Variants in MAGI2 observed in about 807,000 individuals in gnomAD.
MAGI2 encodes the protein membrane associated guanylate kinase, WW and PDZ domain containing 2.
In MAGI2, 35 loss-of-function variants were observed where a neutral mutation model predicts 133.3. The ratio of observed to expected loss-of-function variants is 0.26; its 90% confidence interval spans 0.20 to 0.35. The LOEUF (loss-of-function observed/expected upper bound fraction) is 0.35, where lower values mean the gene tolerates loss of function less well. Ranked by LOEUF, MAGI2 falls within the 10% of genes least tolerant of loss-of-function variation. The pLI, the probability that MAGI2 is intolerant of heterozygous loss-of-function variation, is 1.00. For missense variants in MAGI2, 1,636 were observed against 1,863.4 expected (o/e 0.88, Z 2.25); for synonymous variants, 729 against 710.6 (o/e 1.03, Z -0.41).
chr7:78,557,071 G>A (rs10270642), intron 3 of MAGI2, among the ~76,000 whole-genome samples: 100,387 of 133,506 alleles, frequency 0.75, 37,793 homozygotes, highest in East Asian at 0.87. Flanking sequence ...AGCCTGGGTG[G>A]CAGAGTCTCA....
chr7:78,495,747 T>G (rs771635686), intron 5 of MAGI2, among the ~76,000 whole-genome samples: 11 of 152,216 alleles, frequency 7.2e-5, no homozygotes, highest in Non-Finnish European at 1.3e-4. Context: ...ATCTTTCATG[T>G]GTTTAGAAAA....
chr7:78,220,920 G>A (rs1451282500), intron 10 of MAGI2, among the ~76,000 whole-genome samples: 1 of 152,146 alleles, frequency 6.6e-6, no homozygotes, highest in Non-Finnish European at 1.5e-5. Context: ...GACATTTTAT[G>A]CCATAATCTC....
At chr7:79,319,036 G>T (rs1401199932) in intron 1 of MAGI2, among the ~76,000 whole-genome samples, 1 of 152,054 alleles carries the variant, frequency 6.6e-6, no homozygotes, top group African/African-American at 2.4e-5. Flanking sequence ...TATATGAAAG[G>T]GTTCTTAAAG....
intron 2 of MAGI2, among the ~76,000 whole-genome samples, chr7:78,646,964 T>A (rs1352924467): frequency 6.6e-6 from 1 of 152,234 alleles, no homozygotes; most frequent in Non-Finnish European, 1.5e-5. Context: ...TACAGGCTAC[T>A]TGAATATAAA....
chr7:78,880,822 A>G (rs893289617), intron 2 of MAGI2, among the ~76,000 whole-genome samples: 5 of 152,190 alleles, frequency 3.3e-5, no homozygotes, highest in Non-Finnish European at 7.3e-5. Flanking sequence ...GCTATCATCA[A>G]GAGACCCATT....
intron 20 of MAGI2, among the ~76,000 whole-genome samples, chr7:78,119,557 CAAAAAAAA>C (rs1166809821): frequency 2.0e-5 from 1 of 48,916 alleles, no homozygotes; most frequent in Non-Finnish European, 3.6e-5. Context: ...TGAGACTCCT[CAAAAAAAA>C]AAAAAAAAAA....
At chr7:78,248,878 A>G (rs761853950) in intron 10 of MAGI2, among the ~76,000 whole-genome samples, 3 of 152,168 alleles carry the variant, frequency 2.0e-5, no homozygotes, top group Non-Finnish European at 4.4e-5. Flanking sequence ...ATTACATCCA[A>G]TTAAAAAGAT....
At chr7:79,452,945 G>C in intron 1 of MAGI2, 75 bp downstream of exon 1, 1 of 1,442,618 alleles carries the variant, frequency 6.9e-7, no homozygotes, top group Non-Finnish European at 9.2e-7. Flanking sequence ...CAACATGCGC[G>C]GCCACCCTTT....
At chr7:79,395,722 C>A (rs1844999238) in intron 1 of MAGI2, among the ~76,000 whole-genome samples, 1 of 152,098 alleles carries the variant, frequency 6.6e-6, no homozygotes, top group African/African-American at 2.4e-5. Context: ...CATATAGATA[C>A]AAACCTCAAT....
chr7:78,738,168 C>T (rs1822052105), intron 2 of MAGI2, among the ~76,000 whole-genome samples: 1 of 151,948 alleles, frequency 6.6e-6, no homozygotes, highest in Non-Finnish European at 1.5e-5. Flanking sequence ...ACATTTATGA[C>T]TATTATTTAA....
chr7:78,243,761 A>C (rs1035393111), intron 10 of MAGI2, among the ~76,000 whole-genome samples: 2 of 152,152 alleles, frequency 1.3e-5, no homozygotes, highest in Non-Finnish European at 2.9e-5. Context: ...AACTGAAATT[A>C]ACAGGAAGCT....
intron 3 of MAGI2, among the ~76,000 whole-genome samples, chr7:78,561,739 C>T (rs1800427846): frequency 1.3e-5 from 2 of 152,066 alleles, no homozygotes; most frequent in Non-Finnish European, 2.9e-5. Context: ...ACGCAGGAAG[C>T]AAAGAGGTCA....
At chr7:78,137,258 T>C (rs1308226098) in intron 16 of MAGI2, among the ~76,000 whole-genome samples, 2 of 152,200 alleles carry the variant, frequency 1.3e-5, no homozygotes, top group East Asian at 3.8e-4. Flanking sequence ...TGTATATTGT[T>C]ATCTGTCCCG....
At chr7:79,308,007 T>A (rs1165300850) in intron 1 of MAGI2, among the ~76,000 whole-genome samples, 1 of 152,168 alleles carries the variant, frequency 6.6e-6, no homozygotes, top group East Asian at 1.9e-4. Context: ...GCTAAATAGA[T>A]TTTCAAGTTA....
intron 1 of MAGI2, among the ~76,000 whole-genome samples, chr7:79,271,177 C>G (rs1426247966): frequency 6.6e-6 from 1 of 152,070 alleles, no homozygotes; most frequent in Non-Finnish European, 1.5e-5. Context: ...TCATGGATTT[C>G]CATCTTCTCT....
rs1438184720 is a variant in MAGI2, at chr7:78,018,734, G to A, written c.*581C>T. 6.4e-6 allele frequency: 1 copy of A among 156,786 alleles called. No individual in the cohort carries two copies. The highest frequency in any genetic ancestry group is 2.4e-5 in the African/African-American group (1 of 41,678). The allele number at this position is 156,786 out of a possible 1,614,324, so 9.7% of individuals were successfully genotyped here. On this transcript the variant is annotated 3_prime_UTR_variant, in exon 22 of 22. Coordinates refer to ENST00000354212, the MANE Select transcript of MAGI2 (RefSeq NM_012301.4). The stretch of plus-strand genomic sequence containing the variant: ...GAACGCTGCTGCTAACACCGAGGAT[G>A]GATGCCAAGGGTGAGCCATGGAAAC...
At chr7:78,278,773 C>T (rs1475033701) in intron 9 of MAGI2, among the ~76,000 whole-genome samples, 1 of 152,146 alleles carries the variant, frequency 6.6e-6, no homozygotes, top group Non-Finnish European at 1.5e-5. Flanking sequence ...GCATCAGTTC[C>T]TGTCCAAGAG....
At chr7:78,087,200 C>G (rs1254384382) in intron 20 of MAGI2, among the ~76,000 whole-genome samples, 1 of 152,162 alleles carries the variant, frequency 6.6e-6, no homozygotes, top group Admixed American at 6.5e-5. Context: ...GACAGGAACT[C>G]TGTCACATGG....
intron 1 of MAGI2, among the ~76,000 whole-genome samples, chr7:79,326,776 G>C (rs1250914613): frequency 1.3e-5 from 2 of 151,914 alleles, no homozygotes; most frequent in African/African-American, 2.4e-5. Context: ...TAATGAAATG[G>C]AGCAACTGAG....
Sources: gnomAD v4.1 joint callset for allele counts (sites outside exome capture counted in the v4.1 genomes callset) on GRCh38, gnomAD v4.1.1 for gene constraint, MANE v1.5 for transcripts, NCBI Gene and HGNC (gene_info 2026-07-23, HGNC 2026-07-21) for gene names.